MAPK4: variants seen among roughly 807,000 people sequenced by gnomAD.
MAPK4 encodes Erk3-related.
A neutral mutation model predicts 47.7 loss-of-function variants in MAPK4; 22 were observed. The observed-to-expected ratio is 0.46, with a 90% CI of 0.33 to 0.66. MAPK4 has a LOEUF of 0.66. Among genes scored for constraint, MAPK4 ranks in the 30% least tolerant of loss-of-function variants. MAPK4 has a pLI of 0.02. For missense variants in MAPK4, 736 were observed against 831.7 expected, an observed-to-expected ratio of 0.88 and a Z score of 1.42; for synonymous variants, 390 against 365.7, an observed-to-expected ratio of 1.07 and a Z score of -0.76.
At chr18:50,667,086 T>C (rs112388027) in intron 2 of MAPK4, among the ~76,000 whole-genome samples, 55 of 152,200 alleles carry the variant, frequency 3.6e-4, no homozygotes, top group African/African-American at 1.2e-3. Context: ...TTCCGGATTC[T>C]GGGTTGGAAT....
chr18:50,639,379 G>A (rs931228002), intron 1 of MAPK4, among the ~76,000 whole-genome samples: 3 of 152,124 alleles, frequency 2.0e-5, no homozygotes, highest in African/African-American at 4.8e-5. Context: ...TCACTGAGTG[G>A]GCTCTGAGAG....
Position 50,664,295 on chromosome 18 carries a change from G to A in MAPK4, c.337G>A (p.Ala113Thr). The change falls in exon 2 of 6, where the codon GCA (alanine) becomes ACA (threonine). Residue 113 changes from alanine (A) to threonine (T), a missense_variant. Physicochemically the swap from Ala to Thr is moderately conservative, Grantham distance 58. Transcript: ENST00000400384. This position sits in a 1 kb window ranked among gnomAD's most constrained non-coding sequence, Gnocchi z 6.0. ...IVQEYMETDL[A>T]RLLEQGTLAE... The stretch of plus-strand genomic sequence containing the variant: ...CCAGGAGTACATGGAGACCGACCTG[G>A]CACGCCTGCTGGAGCAGGGCACGCT... 1 of 1,613,438 alleles carries A rather than the reference G, an allele frequency of 6.2e-7. No individual in the cohort carries two copies. The highest frequency in any genetic ancestry group is 8.5e-7 in the Non-Finnish European group (1 of 1,179,716).
chr18:50,663,911 C>G lies in MAPK4; in HGVS notation c.-48C>G, dbSNP rs765979945. 3.9e-6 allele frequency: 6 copies of G among 1,540,478 alleles called. No individual in the cohort carries two copies. In the African/African-American group the frequency reaches 5.5e-5, roughly 14 times the overall value. Reference sequence around the variant, plus strand: ...GCCGCTAGCCGAGACTTGGCCTTTCCTGACTGCCCCTGTGTTACCTGGGCA... The same window carrying G: ...GCCGCTAGCCGAGACTTGGCCTTTCGTGACTGCCCCTGTGTTACCTGGGCA... On this transcript the variant is annotated 5_prime_UTR_variant, in exon 2 of 6. Coordinates refer to ENST00000400384, the MANE Select transcript of MAPK4 (RefSeq NM_002747.4).
At chr18:50,628,196 G>T (rs897307785) in intron 1 of MAPK4, among the ~76,000 whole-genome samples, 10 of 152,198 alleles carry the variant, frequency 6.6e-5, no homozygotes, top group Non-Finnish European at 1.3e-4. Context: ...GTGAAAATCT[G>T]CGAATTAATA....
At chr18:50,661,468 G>C (rs1259011222) in intron 1 of MAPK4, among the ~76,000 whole-genome samples, 1 of 152,202 alleles carries the variant, frequency 6.6e-6, no homozygotes, top group Non-Finnish European at 1.5e-5. Context: ...CCCTATGTAT[G>C]CTGAAAGCAC....
chr18:50,651,409 G>T (rs2043047199), intron 1 of MAPK4, among the ~76,000 whole-genome samples: 1 of 152,218 alleles, frequency 6.6e-6, no homozygotes, highest in Admixed American at 6.5e-5. Context: ...TAAGAGGGTT[G>T]TGGGTGTGTG....
At chr18:50,693,149 C>T (rs1909322303) in intron 2 of MAPK4, among the ~76,000 whole-genome samples, 1 of 152,076 alleles carries the variant, frequency 6.6e-6, no homozygotes, top group South Asian at 2.1e-4. Context: ...ATCCCAGCTA[C>T]TCAGGAGGCT....
intron 1 of MAPK4, among the ~76,000 whole-genome samples, chr18:50,610,699 G>T (rs1568044304): frequency 6.6e-6 from 1 of 152,190 alleles, no homozygotes; most frequent in African/African-American, 2.4e-5. Flanking sequence ...TTATTGTGCT[G>T]CCATTTCTTT....
chr18:50,728,587 T>C (rs1444335603), intron 5 of MAPK4, among the ~76,000 whole-genome samples: 2 of 152,122 alleles, frequency 1.3e-5, no homozygotes, highest in African/African-American at 2.4e-5. Flanking sequence ...GAGGCAGACA[T>C]GCTATTTTAT....
intron 1 of MAPK4, among the ~76,000 whole-genome samples, chr18:50,658,371 G>A (rs147474247): frequency 1.2e-4 from 18 of 152,326 alleles, no homozygotes; most frequent in Admixed American, 2.0e-4. Context: ...CGATTAGAGC[G>A]TGAGTGTTGG....
At chr18:50,728,081 CTG>C (rs1226470861) in intron 5 of MAPK4, among the ~76,000 whole-genome samples, 1 of 152,222 alleles carries the variant, frequency 6.6e-6, no homozygotes, top group Non-Finnish European at 1.5e-5. Context: ...CAGTCACACT[CTG>C]TGGGCTACAG....
At chr18:50,582,791 G>T (rs2042357562) in intron 1 of MAPK4, among the ~76,000 whole-genome samples, 1 of 152,220 alleles carries the variant, frequency 6.6e-6, no homozygotes, top group South Asian at 2.1e-4. Flanking sequence ...CTTCCATGTT[G>T]GGCACCAGTG....
Position 50,698,827 on chromosome 18 carries a change from C to T in MAPK4, c.547-16252C>T, listed in dbSNP as rs114306939. On this transcript the variant is annotated intron_variant, in intron 2 of 5. Transcript: ENST00000400384. ...GGCAGATCACCTGAGGCCAGGAGTT[C>T]AAGCCTGGCCAACATGGTAAAACCT... Among the ~76,000 whole-genome samples the T allele has an allele frequency of 5.3e-3, 800 of 152,222 alleles. 5 individuals are homozygous for T. Among genetic ancestry groups the T allele is most frequent in the African/African-American group, 0.018 (739 of 41,542 alleles).
In MAPK4 at chr18:50,664,199, T is replaced by C. The variant is rs1262531603; in HGVS notation, c.241T>C (p.Tyr81His). 1 of 1,614,018 alleles carries C rather than the reference T, an allele frequency of 6.2e-7. No individual in the cohort carries two copies. The highest frequency in any genetic ancestry group is 1.7e-5 in the Admixed American group (1 of 60,018). Residue 81 changes from tyrosine (Y) to histidine (H), a missense_variant, in exon 2 of 6, where the codon TAC (tyrosine) becomes CAC (histidine). This residue lies in a region of MAPK4 where 327 missense variants were observed against 395.4 expected (regional missense o/e 0.83). Coordinates refer to ENST00000400384, the MANE Select transcript of MAPK4 (RefSeq NM_002747.4). The surrounding 1 kb of genome is among the most constrained non-coding windows in gnomAD (Gnocchi z 6.0). ...RLDHDNIVKV[Y>H]EVLGPKGTDL... ...GGACCACGACAACATCGTCAAAGTG[T>C]ACGAGGTGCTCGGTCCCAAGGGCAC...
intron 1 of MAPK4, among the ~76,000 whole-genome samples, chr18:50,641,657 A>G (rs1004001802): frequency 1.3e-5 from 2 of 152,174 alleles, no homozygotes; most frequent in Non-Finnish European, 1.5e-5. Flanking sequence ...GATTATCAAT[A>G]TGAACTGTTT....
chr18:50,642,524 T>C (rs1213030912), intron 1 of MAPK4, among the ~76,000 whole-genome samples: 1 of 152,154 alleles, frequency 6.6e-6, no homozygotes, highest in East Asian at 1.9e-4. Context: ...TTGCCTAAAC[T>C]CAAGTAATAA....
chr18:50,722,114 C>T lies in MAPK4; in HGVS notation c.853+15C>T, dbSNP rs375706848. The T allele has an allele frequency of 3.2e-5, 51 of 1,606,420 alleles. No homozygotes were observed. The Admixed American group carries it at 4.6e-4, about 15-fold the overall frequency. Reference sequence around the variant, plus strand: ...GAACAGTGAAGGTACCTGAGCCTGGCAGCCAGGCCAAGTGTCCTGGGAGGA... The same window carrying T: ...GAACAGTGAAGGTACCTGAGCCTGGTAGCCAGGCCAAGTGTCCTGGGAGGA... On this transcript the variant is annotated intron_variant, in intron 4 of 5. Coordinates refer to ENST00000400384, the MANE Select transcript of MAPK4 (RefSeq NM_002747.4).
At chr18:50,601,706 T>TAG (rs1230684528) in intron 1 of MAPK4, among the ~76,000 whole-genome samples, 1 of 152,184 alleles carries the variant, frequency 6.6e-6, no homozygotes, top group African/African-American at 2.4e-5. Context: ...AGTATCAATT[T>TAG]ATGACTATTT....
chr18:50,720,476 G>C (rs1910877025), intron 3 of MAPK4, among the ~76,000 whole-genome samples: 1 of 152,104 alleles, frequency 6.6e-6, no homozygotes, highest in Non-Finnish European at 1.5e-5. Flanking sequence ...CCCAGGCCAT[G>C]GATTCCCAGG....
Sources: gnomAD v4.1 joint callset for allele counts (sites outside exome capture counted in the v4.1 genomes callset) on GRCh38, gnomAD v4.1.1 for gene constraint, gnomAD v4.1.1 regional missense constraint, Gnocchi (gnomAD v3.1) non-coding constraint, MANE v1.5 for transcripts, NCBI Gene and HGNC (gene_info 2026-07-23, HGNC 2026-07-21) for gene names.